KIAA0825: variants seen among roughly 807,000 people sequenced by gnomAD.
KIAA0825 encodes uncharacterized protein KIAA0825.
Under a neutral mutation model 147.6 loss-of-function variants are expected in KIAA0825, and 119 were observed. That is an observed-to-expected ratio of 0.81 (90% CI 0.69 to 0.94). The LOEUF (loss-of-function observed/expected upper bound fraction) is 0.94, where lower values mean the gene tolerates loss of function less well. Among genes scored for constraint, KIAA0825 ranks in the 40% least tolerant of loss-of-function variants. The pLI, the probability that KIAA0825 is intolerant of heterozygous loss-of-function variation, is 0.00. For missense variants in KIAA0825, 1,381 were observed against 1,472.7 expected, an observed-to-expected ratio of 0.94 and a Z score of 1.02; for synonymous variants, 470 against 518.1, an observed-to-expected ratio of 0.91 and a Z score of 1.26.
chr5:94,401,020 G>A (rs955340887), intron 16 of KIAA0825, among the ~76,000 whole-genome samples: 8 of 151,798 alleles, frequency 5.3e-5, no homozygotes, highest in Non-Finnish European at 1.5e-5. Context: ...TAATTAGTTA[G>A]ATAAATTTTG....
chr5:94,492,466 C>A (rs1763848416), intron 5 of KIAA0825, among the ~76,000 whole-genome samples: 1 of 152,230 alleles, frequency 6.6e-6, no homozygotes, highest in African/African-American at 2.4e-5. Context: ...TTGCCTTGCA[C>A]AACCCTTCAT....
rs1169876292 is a variant in KIAA0825 at position 94,473,328 on chromosome 5, CAT to C, written c.1417_1418del (p.Met473ValfsTer3). On this transcript the variant is annotated frameshift_variant, in exon 8 of 21. Coordinates refer to ENST00000682413, the MANE Select transcript of KIAA0825 (RefSeq NM_001145678.3). LOFTEE classifies it high-confidence loss of function. The stretch of plus-strand genomic sequence containing the variant: ...TCTTTGGTTGTTCCTCCTCAGGAAA[CAT>C]ATGGCTGTCTTGCCAAACTTGCTGG... ...NVQQVWQDSHMFPEEEQPKKI... is the reference protein window; with the variant it reads ...NVQQVWQDSHXFPEEEQPKKI... The C allele has an allele frequency of 1.3e-6, 2 of 1,551,802 alleles. No homozygotes were observed. The highest frequency in any genetic ancestry group is 8.7e-7 in the Non-Finnish European group (1 of 1,147,022).
chr5:94,525,949 T>G (rs1769197514), intron 3 of KIAA0825, among the ~76,000 whole-genome samples: 1 of 152,012 alleles, frequency 6.6e-6, no homozygotes, highest in African/African-American at 2.4e-5. Context: ...TAAACTTTAT[T>G]TTAAAATCAT....
chr5:94,561,832 A>G (rs1427250901), intron 2 of KIAA0825, among the ~76,000 whole-genome samples: 1 of 152,204 alleles, frequency 6.6e-6, no homozygotes, highest in Non-Finnish European at 1.5e-5. Context: ...CTACACTAAT[A>G]ATGTTCTCAG....
chr5:94,154,707 A>G (rs888630156), intron 20 of KIAA0825, among the ~76,000 whole-genome samples: 1 of 152,198 alleles, frequency 6.6e-6, no homozygotes, highest in Non-Finnish European at 1.5e-5. Context: ...GAGATTAAAG[A>G]CTTTCTAATT....
At chr5:94,541,930 A>G (rs1773400742) in intron 2 of KIAA0825, among the ~76,000 whole-genome samples, 1 of 152,254 alleles carries the variant, frequency 6.6e-6, no homozygotes, top group African/African-American at 2.4e-5. Flanking sequence ...TGCAAAACTT[A>G]TAATTCTAAA....
At position 94,537,727 on chromosome 5, in the gene KIAA0825, A is replaced by G. The variant is rs114919760; in HGVS notation, c.-1-600T>C. 5.2e-3 allele frequency among the ~76,000 whole-genome samples: 791 copies of G among 152,102 alleles called. 4 individuals carry two copies. The highest frequency in any genetic ancestry group is 0.018 in the African/African-American group (762 of 41,498). The stretch of plus-strand genomic sequence containing the variant: ...CTTAAGCATCCTGCAGCTTCTCACT[A>G]TAGCGAAGAACTGTACTGGAAGTGA... On this transcript the variant is annotated intron_variant, in intron 2 of 20. Coordinates refer to ENST00000682413, the MANE Select transcript of KIAA0825 (RefSeq NM_001145678.3).
At chr5:94,512,850 C>A (rs1036730339) in intron 5 of KIAA0825, among the ~76,000 whole-genome samples, 51 of 151,934 alleles carry the variant, frequency 3.4e-4, no homozygotes, top group African/African-American at 1.2e-3. Context: ...GAGCTGAGAT[C>A]GCATCACTGC....
At chr5:94,525,874 A>T (rs1178910482) in intron 3 of KIAA0825, among the ~76,000 whole-genome samples, 2 of 152,048 alleles carry the variant, frequency 1.3e-5, no homozygotes, top group Non-Finnish European at 2.9e-5. Context: ...TTGTCCAAAT[A>T]CTGACAAAGG....
rs1399134689 is a variant in KIAA0825, at chr5:94,520,605, C to A, written c.613G>T (p.Glu205Ter). Reference sequence around the variant, plus strand: ...TGGTATTTGATTATAACTTCTGATTCTGGATAAAGAAACAAGAGTTGTTGT... The same window carrying A: ...TGGTATTTGATTATAACTTCTGATTATGGATAAAGAAACAAGAGTTGTTGT... ...CLQQLLFLYPESEVIIKYQNI... is the reference protein window; with the variant it reads ...CLQQLLFLYP The change falls in exon 5 of 21, where the codon GAA (glutamate) becomes TAA (stop). Residue 205 changes from glutamate (E) to a stop codon, truncating the protein, a stop_gained. Coordinates refer to ENST00000682413, the MANE Select transcript of KIAA0825 (RefSeq NM_001145678.3). LOFTEE classifies it high-confidence loss of function. 1 of 1,613,260 alleles carries A rather than the reference C, an allele frequency of 6.2e-7. No individual in the cohort carries two copies. The highest frequency in any genetic ancestry group is 1.3e-5 in the African/African-American group (1 of 74,994).
At chr5:94,479,579 C>T (rs935847796) in intron 6 of KIAA0825, among the ~76,000 whole-genome samples, 4 of 152,004 alleles carry the variant, frequency 2.6e-5, no homozygotes, top group African/African-American at 4.8e-5. Context: ...GGTTTTTGTA[C>T]GGATGTAAGT....
At chr5:94,265,317 A>G (rs1207125672) in intron 20 of KIAA0825, among the ~76,000 whole-genome samples, 1 of 152,196 alleles carries the variant, frequency 6.6e-6, no homozygotes, top group African/African-American at 2.4e-5. Flanking sequence ...TGTCAGTCCC[A>G]AGACCATTTC....
intron 20 of KIAA0825, among the ~76,000 whole-genome samples, chr5:94,312,423 C>T (rs1017334350): frequency 2.0e-5 from 3 of 151,594 alleles, no homozygotes; most frequent in African/African-American, 4.8e-5. Context: ...CTGTGCGCTA[C>T]CTGCTAAGAA....
intron 20 of KIAA0825, among the ~76,000 whole-genome samples, chr5:94,275,621 T>C (rs756484257): frequency 1.3e-5 from 2 of 152,140 alleles, no homozygotes; most frequent in Non-Finnish European, 2.9e-5. Context: ...ACAAATACTA[T>C]GGCAACATGT....
At chr5:94,282,790 T>G (rs1777520575) in intron 20 of KIAA0825, among the ~76,000 whole-genome samples, 1 of 152,030 alleles carries the variant, frequency 6.6e-6, no homozygotes. Context: ...AACTTTGACT[T>G]TAATTTTCAG....
chr5:94,557,894 G>A (rs1450406125), intron 2 of KIAA0825, among the ~76,000 whole-genome samples: 1 of 152,078 alleles, frequency 6.6e-6, no homozygotes, highest in Non-Finnish European at 1.5e-5. Flanking sequence ...TTTGCTCGCT[G>A]TCCACTACTG....
rs77008522 is a variant in KIAA0825 at position 94,300,393 on chromosome 5, C to G, written c.3710+83975G>C. On this transcript the variant is annotated intron_variant, in intron 20 of 20. Coordinates refer to ENST00000682413, the MANE Select transcript of KIAA0825 (RefSeq NM_001145678.3). ...TCAGTCTTATTCAATTGTCCCATTA[C>G]TGCTATCTGTTAATTTATTTGAATT... 5.0e-3 allele frequency among the ~76,000 whole-genome samples: 762 copies of G among 152,114 alleles called. 8 individuals are homozygous for G. The highest frequency in any genetic ancestry group is 8.7e-3 in the Non-Finnish European group (588 of 67,960).
intron 20 of KIAA0825, 56 bp downstream of exon 20, chr5:94,384,312 C>T (rs394317): frequency 0.15 from 185,198 of 1,264,126 alleles, 14,372 homozygotes; most frequent in African/African-American, 0.21. Flanking sequence ...CACACACACA[C>T]GCACACACAC....
intron 20 of KIAA0825, among the ~76,000 whole-genome samples, chr5:94,327,824 G>A (rs1441730534): frequency 6.6e-6 from 1 of 152,068 alleles, no homozygotes; most frequent in African/African-American, 2.4e-5. Flanking sequence ...TGGCCAACAA[G>A]GTGAAACCCC....
Sources: gnomAD v4.1 joint callset for allele counts (sites outside exome capture counted in the v4.1 genomes callset) on GRCh38, gnomAD v4.1.1 for gene constraint, MANE v1.5 for transcripts, NCBI Gene and HGNC (gene_info 2026-07-23, HGNC 2026-07-21) for gene names.